The following MRPS27 variants were observed in gnomAD, a reference collection of about 807,000 sequenced individuals.
MRPS27 encodes the protein mitochondrial ribosomal protein S27.
In MRPS27, 43 loss-of-function variants were observed where a neutral mutation model predicts 48.9. The observed-to-expected ratio is 0.88, with a 90% confidence interval of 0.69 to 1.13. The LOEUF is 1.13. Among genes scored for constraint, MRPS27 ranks in the 50% most tolerant of loss-of-function variants. The pLI is 0.00. For missense variants in MRPS27, 467 were observed against 476.3 expected (o/e 0.98, Z 0.18); for synonymous variants, 188 against 171.9 (o/e 1.09, Z -0.73).
At chr5:72,280,952 G>C (rs1749518221) in intron 4 of MRPS27, among the ~76,000 whole-genome samples, 1 of 152,168 alleles carries the variant, frequency 6.6e-6, no homozygotes, top group East Asian at 1.9e-4. Context: ...CTGTCTTTTA[G>C]GGTCAGGAAG....
intron 4 of MRPS27, among the ~76,000 whole-genome samples, chr5:72,286,748 C>T (rs1177139579): frequency 1.3e-5 from 2 of 152,206 alleles, no homozygotes; most frequent in Non-Finnish European, 1.5e-5. Context: ...GAGCTGTCCT[C>T]TTACCTCTCT....
chr5:72,292,639 A>G (rs1310696969), intron 4 of MRPS27, among the ~76,000 whole-genome samples: 3 of 152,252 alleles, frequency 2.0e-5, no homozygotes, highest in African/African-American at 7.2e-5. Flanking sequence ...AAGCTCAATC[A>G]GCTCTTCACT....
intron 4 of MRPS27, among the ~76,000 whole-genome samples, chr5:72,238,494 A>C (rs1004025056): frequency 6.6e-6 from 1 of 152,232 alleles, no homozygotes; most frequent in African/African-American, 2.4e-5. Context: ...AAACTTTGGA[A>C]GTTTAAAACA....
chr5:72,302,109 A>G (rs1750140224), intron 2 of MRPS27, among the ~76,000 whole-genome samples: 1 of 152,368 alleles, frequency 6.6e-6, no homozygotes, highest in Non-Finnish European at 1.5e-5. Flanking sequence ...ATTTAACAAA[A>G]CTTGAAGCTA....
intron 4 of MRPS27, among the ~76,000 whole-genome samples, chr5:72,282,374 C>A (rs1208645555): frequency 6.6e-6 from 1 of 152,154 alleles, no homozygotes; most frequent in Non-Finnish European, 1.5e-5. Context: ...TCAAATCAAA[C>A]TGCGTTACAC....
chr5:72,261,422 G>A (rs747626349), intron 4 of MRPS27, among the ~76,000 whole-genome samples: 16 of 151,650 alleles, frequency 1.1e-4, no homozygotes, highest in Admixed American at 2.0e-4. Flanking sequence ...GGTAATCTTT[G>A]TATTTTTAGT....
intron 4 of MRPS27, among the ~76,000 whole-genome samples, chr5:72,251,893 C>T (rs1013929871): frequency 2.0e-5 from 3 of 152,176 alleles, no homozygotes; most frequent in South Asian, 2.1e-4. Context: ...TTTTCCATCA[C>T]GTGCCCACCA....
chr5:72,262,314 GTGCTGCTGC>G (rs921550519), intron 4 of MRPS27, among the ~76,000 whole-genome samples: 2 of 151,998 alleles, frequency 1.3e-5, no homozygotes, highest in African/African-American at 4.8e-5. Context: ...TCAACGAAAG[GTGCTGCTGC>G]TGCTGCTGCT....
intron 4 of MRPS27, among the ~76,000 whole-genome samples, chr5:72,286,923 G>A (rs1197071764): frequency 1.3e-5 from 2 of 152,218 alleles, no homozygotes; most frequent in African/African-American, 2.4e-5. Flanking sequence ...AAGAATCCGT[G>A]TGGTGCTGGG....
chr5:72,319,923 TATATA>T lies in MRPS27; in HGVS notation c.73+221_73+225del. 1.0e-5 allele frequency: 6 copies of T among 585,672 alleles called. 1 individual carries two copies. In the South Asian group the frequency reaches 1.2e-4, roughly 12 times the overall value. The allele number at this position is 585,672 out of a possible 1,614,324, so 36.3% of individuals were successfully genotyped here. On this transcript the variant is annotated intron_variant, in intron 1 of 10. Coordinates refer to ENST00000261413, the MANE Select transcript of MRPS27 (RefSeq NM_015084.3). ...GAATCATACGCAAATTCCCTCATGC[TATATA>T]ACCTTCCACTGCTCTTCGTACCTTT...
chr5:72,317,927 G>A (rs971306943), intron 1 of MRPS27, among the ~76,000 whole-genome samples: 2 of 152,148 alleles, frequency 1.3e-5, no homozygotes, highest in African/African-American at 4.8e-5. Context: ...CTTTAAGCTG[G>A]GGTGTCCATT....
chr5:72,264,898 A>G (rs1749070535), intron 4 of MRPS27, among the ~76,000 whole-genome samples: 1 of 152,216 alleles, frequency 6.6e-6, no homozygotes, highest in Non-Finnish European at 1.5e-5. Context: ...AAACTAAAAA[A>G]TAATGGAAAA....
rs554534450 is a variant in MRPS27 at position 72,281,867 on chromosome 5, A to G, written c.281+13664T>C. 2.6e-5 allele frequency among the ~76,000 whole-genome samples: 4 copies of G among 152,326 alleles called. No individual in the cohort carries two copies. In the South Asian group the frequency reaches 8.3e-4, roughly 32 times the overall value. On this transcript the variant is annotated intron_variant, in intron 4 of 10. Transcript: ENST00000261413. The stretch of plus-strand genomic sequence containing the variant: ...AGATTTTTACCAATGAAGACTAATG[A>G]TTGAGTTTCACCTCTTGGTAGTGTC...
intron 4 of MRPS27, among the ~76,000 whole-genome samples, chr5:72,262,736 G>A (rs541238269): frequency 6.6e-6 from 1 of 151,922 alleles, no homozygotes; most frequent in Non-Finnish European, 1.5e-5. Flanking sequence ...CTGGAACAAA[G>A]TGAGGTCTTT....
chr5:72,286,510 C>A (rs1209824444), intron 4 of MRPS27, among the ~76,000 whole-genome samples: 1 of 152,166 alleles, frequency 6.6e-6, no homozygotes, highest in Non-Finnish European at 1.5e-5. Context: ...ACAAGTGGTG[C>A]TGACACAATT....
chr5:72,237,721 A>C (rs1042684571), intron 5 of MRPS27, among the ~76,000 whole-genome samples: 1 of 152,044 alleles, frequency 6.6e-6, no homozygotes, highest in Non-Finnish European at 1.5e-5. Flanking sequence ...AACAGGCAAG[A>C]AATCTAAGGC....
At chr5:72,238,918 G>T (rs771703836) in intron 4 of MRPS27, among the ~76,000 whole-genome samples, 1 of 152,104 alleles carries the variant, frequency 6.6e-6, no homozygotes, top group Non-Finnish European at 1.5e-5. Flanking sequence ...CCGGTTCCTG[G>T]GGTTCATGAC....
chr5:72,220,757 A>T lies in MRPS27; in HGVS notation c.*152T>A. The stretch of plus-strand genomic sequence containing the variant: ...AGCCCTTCTTGGCATCTCGATGGGC[A>T]GTCATGGTGCCTTGCCATGTAGGGC... On this transcript the variant is annotated 3_prime_UTR_variant, in exon 11 of 11. Coordinates refer to ENST00000261413, the MANE Select transcript of MRPS27 (RefSeq NM_015084.3). 1 of 1,133,722 alleles carries T rather than the reference A, an allele frequency of 8.8e-7. No individual in the cohort carries two copies. Among genetic ancestry groups the T allele is most frequent in the Non-Finnish European group, 1.3e-6 (1 of 796,610 alleles). 70.2% of individuals were successfully genotyped at this position (1,133,722 alleles called of 1,614,324 possible).
Position 72,226,163 on chromosome 5 carries a change from T to C in MRPS27, c.731A>G (p.Tyr244Cys), listed in dbSNP as rs148562264. ...VELQQGLRAVYHNMPLIWKPG... is the reference protein window; with the variant it reads ...VELQQGLRAVCHNMPLIWKPG... ...TTTCCATATCAGAGGCATGTTGTGG[T>C]ACACAGCCCGTAGCCCTTGCTGCAA... The change falls in exon 9 of 11, where the codon TAC (tyrosine) becomes TGC (cysteine). Residue 244 changes from tyrosine (Y) to cysteine (C), a missense_variant. Physicochemically the swap from Tyr to Cys is radical, Grantham distance 194 (BLOSUM62 -2). Transcript: ENST00000261413. 1.2e-6 allele frequency: 2 copies of C among 1,613,662 alleles called. No individual in the cohort carries two copies. The highest frequency in any genetic ancestry group is 1.3e-5 in the African/African-American group (1 of 74,856).
Sources: gnomAD v4.1 joint callset for allele counts (sites outside exome capture counted in the v4.1 genomes callset) on GRCh38, gnomAD v4.1.1 for gene constraint, MANE v1.5 for transcripts, NCBI Gene and HGNC (gene_info 2026-07-23, HGNC 2026-07-21) for gene names.